Variants in FAM228B observed in about 807,000 individuals in gnomAD.
FAM228B encodes family with sequence similarity 228 member B.
In FAM228B, 38 loss-of-function variants were observed where a neutral mutation model predicts 42.6. The ratio of observed to expected loss-of-function variants is 0.89; its 90% confidence interval spans 0.69 to 1.17. The LOEUF is 1.17. Among genes scored for constraint, FAM228B ranks in the 50% most tolerant of loss-of-function variants. FAM228B has a pLI of 0.00. For synonymous variants in FAM228B, 109 were observed against 122.3 expected (o/e 0.89, Z 0.72); for missense variants, 344 against 367.3 (o/e 0.94, Z 0.52).
chr2:24,082,052 T>C (rs1314561554), intron 2 of FAM228B, among the ~76,000 whole-genome samples: 1 of 152,152 alleles, frequency 6.6e-6, no homozygotes, highest in African/African-American at 2.4e-5. Flanking sequence ...TGGAGTGCAG[T>C]GGCATGATCA....
chr2:24,091,054 AT>A (rs1192836581), intron 2 of FAM228B, among the ~76,000 whole-genome samples: 1 of 152,096 alleles, frequency 6.6e-6, no homozygotes, highest in Non-Finnish European at 1.5e-5. Context: ...GTTTTAGTCA[AT>A]ACAATAAGAT....
intron 2 of FAM228B, among the ~76,000 whole-genome samples, chr2:24,124,952 G>A (rs1002699816): frequency 6.6e-6 from 1 of 152,190 alleles, no homozygotes; most frequent in Non-Finnish European, 1.5e-5. Context: ...TCCACCTACC[G>A]TGGTGTTCCA....
intron 3 of FAM228B, chr2:24,115,630 T>C (rs748762853): frequency 1.2e-6 from 2 of 1,611,746 alleles, no homozygotes; most frequent in Non-Finnish European, 1.7e-6. Flanking sequence ...AAACACAGCA[T>C]GGTTATTATT....
At chr2:24,100,987 A>G (rs1025427544) in intron 3 of FAM228B, among the ~76,000 whole-genome samples, 2 of 152,214 alleles carry the variant, frequency 1.3e-5, no homozygotes, top group Admixed American at 1.3e-4. Flanking sequence ...GGTGGAAACC[A>G]TCATTCTCAG....
upstream of FAM228B, chr2:24,122,804 G>T: frequency 3.0e-6 from 1 of 329,570 alleles, no homozygotes; most frequent in Non-Finnish European, 5.5e-6. Context: ...GTGATTTTCT[G>T]GCTATGTCAA....
At chr2:24,146,319 G>A (rs1666894083) in intron 5 of FAM228B, among the ~76,000 whole-genome samples, 1 of 152,064 alleles carries the variant, frequency 6.6e-6, no homozygotes. Context: ...CCATACCTTG[G>A]CTCACAAATG....
chr2:24,083,849 C>G (rs1403285802), intron 2 of FAM228B, among the ~76,000 whole-genome samples: 1 of 152,158 alleles, frequency 6.6e-6, no homozygotes, highest in African/African-American at 2.4e-5. Context: ...ACTGCTTAAC[C>G]TCACTGAACT....
chr2:24,148,285 CCT>C (rs764255657), intron 7 of FAM228B, among the ~76,000 whole-genome samples: 1 of 152,194 alleles, frequency 6.6e-6, no homozygotes, highest in Non-Finnish European at 1.5e-5. Flanking sequence ...CATGCTCTTC[CCT>C]CTCCCACGGG....
chr2:24,127,224 T>G (rs1451749984), intron 2 of FAM228B, among the ~76,000 whole-genome samples: 1 of 152,220 alleles, frequency 6.6e-6, no homozygotes, highest in African/African-American at 2.4e-5. Flanking sequence ...GTGACTGCTT[T>G]CACTTAGTAT....
At chr2:24,141,320 T>C (rs1666740902) in intron 5 of FAM228B, among the ~76,000 whole-genome samples, 3 of 152,200 alleles carry the variant, frequency 2.0e-5, no homozygotes, top group Admixed American at 1.3e-4. Context: ...CTTGGCTTAC[T>C]GCAACCTCCG....
chr2:24,163,688 G>T (rs1372742979), intron 8 of FAM228B, among the ~76,000 whole-genome samples: 3 of 152,156 alleles, frequency 2.0e-5, no homozygotes, highest in East Asian at 3.8e-4. Flanking sequence ...TAAAAGGAGA[G>T]ATTTTGTTCT....
intron 2 of FAM228B, among the ~76,000 whole-genome samples, chr2:24,129,268 G>T (rs1375101630): frequency 6.7e-6 from 1 of 149,434 alleles, no homozygotes; most frequent in Admixed American, 6.7e-5. Flanking sequence ...TTTGCCTGAT[G>T]TTCGATATCT....
intron 2 of FAM228B, among the ~76,000 whole-genome samples, chr2:24,089,976 G>GAAAA (rs33915915): frequency 3.8e-5 from 5 of 130,540 alleles, no homozygotes; most frequent in Non-Finnish European, 4.7e-5. Flanking sequence ...TAAAAAAAAA[G>GAAAA]AAAAAAAAAA....
In FAM228B at chr2:24,077,674, C is replaced by A; in HGVS notation, c.-290+705C>A. The stretch of plus-strand genomic sequence containing the variant: ...ATTTCGGTCACTGGGTAGATTCTGT[C>A]CAGAACCGGCAGCAGACGTTGGGGG... On this transcript the variant is annotated intron_variant, in intron 1 of 10. Transcript: ENST00000613899. The surrounding 1 kb of genome is among the most constrained non-coding windows in gnomAD (Gnocchi z 5.5). 1 of 1,614,006 alleles carries A rather than the reference C, an allele frequency of 6.2e-7. No homozygotes were observed. The highest frequency in any genetic ancestry group is 8.5e-7 in the Non-Finnish European group (1 of 1,179,966).
chr2:24,119,531 C>T, upstream of FAM228B: 1 of 1,415,208 alleles, frequency 7.1e-7, no homozygotes, highest in Non-Finnish European at 9.9e-7. Flanking sequence ...GTCGGAAGAC[C>T]CAACTAACAT....
intron 3 of FAM228B, chr2:24,115,730 G>T: frequency 9.2e-7 from 1 of 1,090,072 alleles, no homozygotes; most frequent in Non-Finnish European, 1.4e-6. Flanking sequence ...GCTAGGCACT[G>T]TGCTAGGTAC....
intron 3 of FAM228B, among the ~76,000 whole-genome samples, chr2:24,114,416 A>T (rs1330944057): frequency 1.3e-5 from 2 of 152,040 alleles, no homozygotes; most frequent in African/African-American, 4.8e-5. Context: ...GCTTCCAGAC[A>T]TCTTGTCTGG....
intron 3 of FAM228B, among the ~76,000 whole-genome samples, chr2:24,114,198 C>A (rs1371667182): frequency 6.6e-6 from 1 of 152,136 alleles, no homozygotes; most frequent in Non-Finnish European, 1.5e-5. Context: ...TTTGATTTTA[C>A]TTGACTTACA....
chr2:24,142,630 T>G (rs1240002664), intron 5 of FAM228B: 1 of 152,202 alleles, frequency 6.6e-6, no homozygotes, highest in African/African-American at 2.4e-5. Context: ...AAAGAATGAC[T>G]TACAAACTAT....
Sources: allele counts gnomAD v4.1 joint callset (sites outside exome capture counted in the v4.1 genomes callset), GRCh38; gene constraint gnomAD v4.1.1; non-coding constraint Gnocchi (gnomAD v3.1); transcripts MANE v1.5; gene names NCBI Gene and HGNC (gene_info 2026-07-23, HGNC 2026-07-21).